GPALPP1: variants seen among roughly 807,000 people sequenced by gnomAD.
The protein encoded by GPALPP1 is GPALPP motifs-containing protein 1.
In GPALPP1, 30 loss-of-function variants were observed where a neutral mutation model predicts 38.9. The ratio of observed to expected loss-of-function variants is 0.77; its 90% CI spans 0.58 to 1.05. The LOEUF is 1.05. Among genes scored for constraint, GPALPP1 ranks in the 50% least tolerant of loss-of-function variants. The probability of loss-of-function intolerance (pLI) is 0.00; values close to 1 mark genes in which losing one functional copy is unlikely to be tolerated. For missense variants in GPALPP1, 384 were observed against 408.8 expected, an observed-to-expected ratio of 0.94 and a Z score of 0.52; for synonymous variants, 120 against 139.2, an observed-to-expected ratio of 0.86 and a Z score of 0.97.
chr13:45,025,704 T>C (rs900701593), intron 7 of GPALPP1, among the ~76,000 whole-genome samples: 18 of 152,158 alleles, frequency 1.2e-4, no homozygotes, highest in African/African-American at 3.6e-4. Context: ...AGGACCATCA[T>C]TGCAATGCAG....
At chr13:44,999,257 T>C (rs1459539029) in intron 1 of GPALPP1, among the ~76,000 whole-genome samples, 2 of 152,192 alleles carry the variant, frequency 1.3e-5, no homozygotes, top group African/African-American at 2.4e-5. Context: ...TTATGTATTA[T>C]ACTGAGTTCA....
intron 7 of GPALPP1, among the ~76,000 whole-genome samples, chr13:45,023,260 G>T (rs987385226): frequency 2.6e-5 from 4 of 151,242 alleles, no homozygotes; most frequent in African/African-American, 9.7e-5. Context: ...GCACTAGTTT[G>T]GTCCTGTGTG....
chr13:45,003,429 TTCCAGGCCCTCC>T (rs1390505198), intron 1 of GPALPP1, among the ~76,000 whole-genome samples: 1 of 152,214 alleles, frequency 6.6e-6, no homozygotes, highest in African/African-American at 2.4e-5. Flanking sequence ...AAAATCATGT[TTCCAGGCCCTCC>T]TCCAGGCCAA....
chr13:45,019,068 AAT>A (rs375273435), intron 6 of GPALPP1, among the ~76,000 whole-genome samples: 1 of 117,336 alleles, frequency 8.5e-6, no homozygotes, highest in Non-Finnish European at 1.6e-5. Context: ...TATACATATA[AAT>A]ATATACATAT....
chr13:44,995,665 A>G (rs1873216375), intron 1 of GPALPP1, among the ~76,000 whole-genome samples: 1 of 152,144 alleles, frequency 6.6e-6, no homozygotes, highest in African/African-American at 2.4e-5. Flanking sequence ...CTTCAATCCC[A>G]AGCAAACCAG....
chr13:45,010,222 T>C (rs1874375262), intron 4 of GPALPP1, among the ~76,000 whole-genome samples: 1 of 152,208 alleles, frequency 6.6e-6, no homozygotes. Context: ...TTATGCCTGC[T>C]GTCCAAGCCT....
At chr13:45,017,597 C>G (rs1322830273) in intron 6 of GPALPP1, among the ~76,000 whole-genome samples, 1 of 152,008 alleles carries the variant, frequency 6.6e-6, no homozygotes, top group East Asian at 1.9e-4. Context: ...TTTATTTGTT[C>G]TTTTTTATAT....
At chr13:44,996,354 CA>C (rs772383338) in intron 1 of GPALPP1, among the ~76,000 whole-genome samples, 3,115 of 125,370 alleles carry the variant, frequency 0.025, 76 homozygotes, top group African/African-American at 0.067. Flanking sequence ...GACCTTGTCG[CA>C]AAAAAAAAAA....
chr13:44,990,294 T>C (rs1387389767), intron 1 of GPALPP1: 1 of 202,144 alleles, frequency 4.9e-6, no homozygotes, highest in Non-Finnish European at 9.8e-6. Context: ...TCTGAGTTGC[T>C]GCGCAATTCC....
At chr13:44,996,630 G>A (rs537357974) in intron 1 of GPALPP1, among the ~76,000 whole-genome samples, 5 of 151,826 alleles carry the variant, frequency 3.3e-5, no homozygotes, top group Non-Finnish European at 5.9e-5. Context: ...TTACGGGGAT[G>A]CACCCTCACA....
chr13:45,000,637 C>G (rs1873607626), intron 1 of GPALPP1, among the ~76,000 whole-genome samples: 1 of 151,942 alleles, frequency 6.6e-6, no homozygotes, highest in South Asian at 2.1e-4. Flanking sequence ...GAGAAAGAAG[C>G]AGAAGAGGAA....
chr13:44,990,132 C>G (rs192447103), intron 1 of GPALPP1: 1 of 419,314 alleles, frequency 2.4e-6, no homozygotes, highest in Admixed American at 4.1e-5. Flanking sequence ...TGGAGCGCGA[C>G]TTAGAAGGAA....
intron 1 of GPALPP1, among the ~76,000 whole-genome samples, chr13:44,996,665 T>G (rs1873301953): frequency 6.6e-6 from 1 of 151,828 alleles, no homozygotes; most frequent in South Asian, 2.1e-4. Context: ...GTATTTTTAG[T>G]AGAGATGGGG....
chr13:45,004,131 A>G (rs113503781), intron 1 of GPALPP1, among the ~76,000 whole-genome samples, 174 bp from the exon 2 acceptor site: 1 of 152,212 alleles, frequency 6.6e-6, no homozygotes, highest in Non-Finnish European at 1.5e-5. Flanking sequence ...CTGCCTTCCT[A>G]GAGCTGGAAA....
At chr13:45,017,281 C>T (rs774533978) in intron 6 of GPALPP1, among the ~76,000 whole-genome samples, 8 of 152,182 alleles carry the variant, frequency 5.3e-5, no homozygotes, top group Non-Finnish European at 1.2e-4. Context: ...CACACTTGAG[C>T]ACTCTGCCTG....
chr13:45,008,098 G>A (rs576797522), intron 3 of GPALPP1, among the ~76,000 whole-genome samples: 38 of 152,086 alleles, frequency 2.5e-4, no homozygotes, highest in Non-Finnish European at 4.6e-4. Flanking sequence ...ACATGATTTT[G>A]CTCATCTTAA....
At chr13:45,035,522 A>T (rs543702435) in exon 8 of GPALPP1, 116 of 152,340 alleles carry the variant, frequency 7.6e-4, no homozygotes, top group Middle Eastern at 3.4e-3. Flanking sequence ...TGTTTTTTTA[A>T]GAAGTTGTTG....
At chr13:45,034,773 G>C (rs1163385484), downstream of GPALPP1, 1 of 121,938 alleles carries the variant, frequency 8.2e-6, no homozygotes, top group African/African-American at 3.2e-5. Context: ...GTCTCCCTCT[G>C]TCGCCCAGAC....
chr13:45,020,897 T>C (rs1875381331), intron 7 of GPALPP1, among the ~76,000 whole-genome samples: 1 of 152,166 alleles, frequency 6.6e-6, no homozygotes, highest in Non-Finnish European at 1.5e-5. Context: ...ATCTAATTAT[T>C]AGAGATAGGT....
Sources: gnomAD v4.1 joint callset for allele counts (sites outside exome capture counted in the v4.1 genomes callset) on GRCh38, gnomAD v4.1.1 for gene constraint, MANE v1.5 for transcripts, NCBI Gene and HGNC (gene_info 2026-07-23, HGNC 2026-07-21) for gene names.